LRRTM4: variants seen among roughly 807,000 people sequenced by gnomAD.
LRRTM4 encodes leucine rich repeat transmembrane neuronal 4.
Under a neutral mutation model 47.6 loss-of-function variants are expected in LRRTM4, and 25 were observed. The observed-to-expected ratio is 0.53, with a 90% CI of 0.38 to 0.73. LRRTM4 has a LOEUF of 0.73. Among genes scored for constraint, LRRTM4 ranks in the 30% least tolerant of loss-of-function variants. The probability of loss-of-function intolerance (pLI) is 0.00; values close to 1 mark genes in which losing one functional copy is unlikely to be tolerated. For missense variants in LRRTM4, 638 were observed against 713.4 expected (o/e 0.89, Z 1.20); for synonymous variants, 311 against 269.5 (o/e 1.15, Z -1.51).
intron 3 of LRRTM4, among the ~76,000 whole-genome samples, chr2:77,106,535 A>G (rs961224945): frequency 2.6e-5 from 4 of 152,090 alleles, no homozygotes; most frequent in Non-Finnish European, 5.9e-5. Flanking sequence ...ATTAAGTAAC[A>G]CATATTAAAA....
chr2:77,310,479 C>T (rs1677421280), intron 3 of LRRTM4, among the ~76,000 whole-genome samples: 1 of 152,072 alleles, frequency 6.6e-6, no homozygotes, highest in African/African-American at 2.4e-5. Context: ...AGCTTGCCAG[C>T]CTCACGGACT....
chr2:77,092,868 A>C (rs151152305), intron 3 of LRRTM4, among the ~76,000 whole-genome samples: 1 of 138,188 alleles, frequency 7.2e-6, no homozygotes, highest in African/African-American at 3.1e-5. Flanking sequence ...ACGATCCTCC[A>C]TCTTCAAGAA....
At chr2:76,889,088 T>C (rs1270026378) in intron 3 of LRRTM4, among the ~76,000 whole-genome samples, 3 of 149,758 alleles carry the variant, frequency 2.0e-5, no homozygotes, top group South Asian at 4.2e-4. Context: ...AAATTGAGTT[T>C]GAAATATACT....
At chr2:76,764,820 A>C (rs1048032916) in intron 3 of LRRTM4, among the ~76,000 whole-genome samples, 1 of 152,176 alleles carries the variant, frequency 6.6e-6, no homozygotes, top group Non-Finnish European at 1.5e-5. Flanking sequence ...AGAAAAAGGA[A>C]GGATGACCCA....
intron 3 of LRRTM4, among the ~76,000 whole-genome samples, chr2:76,752,470 A>T (rs141570617): frequency 4.9e-4 from 75 of 152,278 alleles, no homozygotes; most frequent in African/African-American, 1.6e-3. Context: ...AAGAGGGCTC[A>T]TGTCATTTTC....
At chr2:77,232,322 C>A (rs1674987218) in intron 3 of LRRTM4, among the ~76,000 whole-genome samples, 2 of 152,190 alleles carry the variant, frequency 1.3e-5, no homozygotes, top group Non-Finnish European at 2.9e-5. Flanking sequence ...ATTTATACAA[C>A]ATTAGTATTT....
chr2:77,130,980 G>A (rs1461646689), intron 3 of LRRTM4, among the ~76,000 whole-genome samples: 20 of 144,862 alleles, frequency 1.4e-4, no homozygotes, highest in African/African-American at 4.3e-4. Flanking sequence ...GACTACAGGC[G>A]CCCGCCACTA....
intron 3 of LRRTM4, among the ~76,000 whole-genome samples, chr2:76,994,122 G>A (rs185561590): frequency 7.4e-4 from 113 of 151,832 alleles, no homozygotes; most frequent in African/African-American, 2.6e-3. Context: ...GAGGTGGAAT[G>A]AGGCAGTGGG....
chr2:77,156,673 A>C (rs1436322424), intron 3 of LRRTM4, among the ~76,000 whole-genome samples: 2 of 151,830 alleles, frequency 1.3e-5, no homozygotes, highest in Non-Finnish European at 2.9e-5. Flanking sequence ...AGGTAGAAAA[A>C]TGGGATTTAA....
At chr2:76,818,534 G>A (rs1670966430) in intron 3 of LRRTM4, among the ~76,000 whole-genome samples, 1 of 151,698 alleles carries the variant, frequency 6.6e-6, no homozygotes, top group Admixed American at 6.6e-5. Context: ...AAGAACTGTG[G>A]TTACCAGCCT....
chr2:76,974,147 T>TACAC lies in LRRTM4; in HGVS notation c.1552-225232_1552-225231insGTGT, dbSNP rs1676316859. On this transcript the variant is annotated intron_variant, in intron 3 of 3. Transcript: ENST00000409884. ...ACATTTGCTCATATATATACATATA[T>TACAC]ATACATACATATATATATATACATA... 1.5e-5 allele frequency among the ~76,000 whole-genome samples: 2 copies of TACAC among 131,612 alleles called. 1 individual carries two copies. The highest frequency in any genetic ancestry group is 6.6e-5 in the African/African-American group (2 of 30,194). The allele number at this position is 131,612 out of a possible 152,430, so 86.3% of individuals were successfully genotyped here.
chr2:76,755,164 G>A (rs774101836), intron 3 of LRRTM4, among the ~76,000 whole-genome samples: 6 of 152,078 alleles, frequency 3.9e-5, no homozygotes, highest in Admixed American at 6.6e-5. Flanking sequence ...TATCTTAGTA[G>A]TCTATCCCTG....
At chr2:76,863,818 G>A (rs1182714511) in intron 3 of LRRTM4, among the ~76,000 whole-genome samples, 1 of 152,036 alleles carries the variant, frequency 6.6e-6, no homozygotes, top group African/African-American at 2.4e-5. Flanking sequence ...TGATATAGAA[G>A]GCAAAGTAAT....
At chr2:77,323,200 T>TGATTAAAGTTATTCCAAACA (rs1670610197) in intron 3 of LRRTM4, among the ~76,000 whole-genome samples, 1 of 152,148 alleles carries the variant, frequency 6.6e-6, no homozygotes, top group South Asian at 2.1e-4. Context: ...GATTGCTTTC[T>TGATTAAAGTTATTCCAAACA]GATTAAAGTT....
At chr2:77,052,126 CA>C (rs375571418) in intron 3 of LRRTM4, among the ~76,000 whole-genome samples, 6 of 108,244 alleles carry the variant, frequency 5.5e-5, no homozygotes, top group Admixed American at 1.9e-4. Flanking sequence ...AAAAGGAATG[CA>C]AAAAAAAATA....
chr2:77,268,170 C>T (rs958899884), intron 3 of LRRTM4, among the ~76,000 whole-genome samples: 35 of 152,204 alleles, frequency 2.3e-4, no homozygotes, highest in African/African-American at 8.2e-4. Flanking sequence ...TCCAATTGAG[C>T]TCCAGGTCCA....
At chr2:77,207,866 CTTTTTTTTTTTTTTT>C (rs754540782) in intron 3 of LRRTM4, among the ~76,000 whole-genome samples, 2 of 42,594 alleles carry the variant, frequency 4.7e-5, no homozygotes, top group African/African-American at 1.0e-4. Context: ...GGGAAAGTGG[CTTTTTTTTTTTTTTT>C]TTTTTTTTTT....
At chr2:77,058,877 C>T (rs1006562465) in intron 3 of LRRTM4, among the ~76,000 whole-genome samples, 1 of 152,096 alleles carries the variant, frequency 6.6e-6, no homozygotes, top group African/African-American at 2.4e-5. Flanking sequence ...TCCTTTGAAT[C>T]TTAAGACAGT....
At chr2:77,197,590 C>G (rs907082397) in intron 3 of LRRTM4, among the ~76,000 whole-genome samples, 17 of 152,088 alleles carry the variant, frequency 1.1e-4, no homozygotes, top group African/African-American at 4.1e-4. Context: ...CTATTATACA[C>G]CTAAAATACT....
Sources: allele counts gnomAD v4.1 joint callset (sites outside exome capture counted in the v4.1 genomes callset), GRCh38; gene constraint gnomAD v4.1.1; transcripts MANE v1.5; gene names NCBI Gene and HGNC (gene_info 2026-07-23, HGNC 2026-07-21).